Variants in EFR3B observed in about 807,000 individuals in gnomAD.
The protein encoded by EFR3B is EFR3 homolog B, also known as protein EFR3 homolog B.
In EFR3B, 64 loss-of-function variants were observed where a neutral mutation model predicts 104.7. That is an observed-to-expected ratio of 0.61 (90% CI 0.50 to 0.75). The LOEUF (loss-of-function observed/expected upper bound fraction) is 0.75. EFR3B is among the 30% of genes least tolerant of loss of function. The probability of loss-of-function intolerance (pLI) is 0.00; values close to 1 mark genes in which losing one functional copy is unlikely to be tolerated. For missense variants in EFR3B, 750 were observed against 1,078.5 expected, an observed-to-expected ratio of 0.70 and a Z score of 4.27; for synonymous variants, 385 against 417.9, an observed-to-expected ratio of 0.92 and a Z score of 0.96.
Position 25,042,719 on chromosome 2 carries a change from C to G in EFR3B, c.7+400C>G, listed in dbSNP as rs1667605150. The G allele has an allele frequency of 1.0e-6, 1 of 992,850 alleles. No homozygotes were observed. The highest frequency in any genetic ancestry group is 6.0e-5 in the Admixed American group (1 of 16,582). The allele number at this position is 992,850 out of a possible 1,614,324, so 61.5% of individuals were successfully genotyped here. A position where few individuals can be genotyped will look rare whatever the true frequency, so the allele number is the denominator to read the frequency against. Reference sequence around the variant, plus strand: ...AGCCGGTCCAGGGCTGAGGGAGACGCCCGCGGCCGGTCGTCTGCGCGGCTC... The same window carrying G: ...AGCCGGTCCAGGGCTGAGGGAGACGGCCGCGGCCGGTCGTCTGCGCGGCTC... On this transcript the variant is annotated intron_variant, in intron 1 of 22. Coordinates refer to ENST00000403714, the MANE Select transcript of EFR3B (RefSeq NM_014971.2). The surrounding 1 kb of genome is among the most constrained non-coding windows in gnomAD (Gnocchi z 5.4).
chr2:25,115,129 C>T (rs1488719734), intron 4 of EFR3B, among the ~76,000 whole-genome samples: 3 of 152,014 alleles, frequency 2.0e-5, no homozygotes, highest in Non-Finnish European at 2.9e-5. Context: ...TGCAGTGAGC[C>T]GTGATCACGC....
At chr2:25,079,731 A>C (rs1403192704) in intron 1 of EFR3B, among the ~76,000 whole-genome samples, 3 of 152,228 alleles carry the variant, frequency 2.0e-5, no homozygotes, top group Non-Finnish European at 4.4e-5. Flanking sequence ...TTCTTTATAC[A>C]AACAGTGTTC....
At chr2:25,143,014 G>A (rs933305591) in intron 17 of EFR3B, among the ~76,000 whole-genome samples, 15 of 150,994 alleles carry the variant, frequency 9.9e-5, no homozygotes, top group African/African-American at 2.4e-5. Flanking sequence ...TTGGGAGGCC[G>A]AGGCGGGCGG....
intron 1 of EFR3B, among the ~76,000 whole-genome samples, chr2:25,059,564 A>G (rs1668121471): frequency 2.6e-5 from 1 of 38,034 alleles, no homozygotes; most frequent in Admixed American, 3.7e-4. Flanking sequence ...AGAGGTTACC[A>G]GGGACTGCGG....
chr2:25,042,485 A>T lies in EFR3B; in HGVS notation c.7+166A>T, dbSNP rs1161515080. 7 of 1,206,000 alleles carry T rather than the reference A, an allele frequency of 5.8e-6. No individual in the cohort carries two copies. The highest frequency in any genetic ancestry group is 1.6e-5 in the African/African-American group (1 of 63,224). 74.7% of individuals were successfully genotyped at this position (1,206,000 alleles called of 1,614,324 possible). A position where few individuals can be genotyped will look rare whatever the true frequency, so the allele number is the denominator to read the frequency against. On this transcript the variant is annotated intron_variant, in intron 1 of 22. Coordinates refer to ENST00000403714, the MANE Select transcript of EFR3B (RefSeq NM_014971.2). The surrounding 1 kb of genome is among the most constrained non-coding windows in gnomAD (Gnocchi z 5.4). ...TCTGTGCGCGCGCGTCTGCGCTGCG[A>T]GGACAAAGATGCCTCGGGCCGGGGA... is the stretch of plus-strand genomic sequence containing the variant.
chr2:25,110,184 C>T (rs1669686158), intron 4 of EFR3B, among the ~76,000 whole-genome samples: 1 of 152,144 alleles, frequency 6.6e-6, no homozygotes, highest in African/African-American at 2.4e-5. Flanking sequence ...CTGAGACTCC[C>T]TTCCTCTGCC....
intron 10 of EFR3B, 102 bp from the exon 11 acceptor site, chr2:25,132,801 T>C: frequency 1.1e-6 from 1 of 948,072 alleles, no homozygotes; most frequent in Non-Finnish European, 1.6e-6. Context: ...CTGGATTGAC[T>C]CCGGAGAGAG....
At chr2:25,127,263 G>C (rs1275309839) in intron 5 of EFR3B, among the ~76,000 whole-genome samples, 1 of 142,200 alleles carries the variant, frequency 7.0e-6, no homozygotes, top group African/African-American at 2.6e-5. Context: ...CACTAGTTTA[G>C]AAAGGTCTTA....
intron 21 of EFR3B, among the ~76,000 whole-genome samples, chr2:25,153,102 C>T (rs1329791781): frequency 6.6e-6 from 1 of 152,210 alleles, no homozygotes; most frequent in Non-Finnish European, 1.5e-5. Context: ...GCCTGTACTC[C>T]CAGCACTTTG....
chr2:25,060,936 A>AAAC (rs59058259), intron 1 of EFR3B, among the ~76,000 whole-genome samples: 149,964 of 150,430 alleles, frequency 1, 74,750 homozygotes, highest in Admixed American at 1. Context: ...ACAAACAAAC[A>AAAC]AACAACAACA....
intron 16 of EFR3B, among the ~76,000 whole-genome samples, chr2:25,141,040 CAAAAAA>C (rs78559860): frequency 1.3e-5 from 1 of 74,418 alleles, no homozygotes; most frequent in Admixed American, 1.4e-4. Context: ...GACTCCGTCT[CAAAAAA>C]AAAAAAAAAA....
In EFR3B at chr2:25,141,420, G is replaced by A; in HGVS notation, c.1909G>A (p.Val637Met). The change falls in exon 17 of 23, where the codon GTG (valine) becomes ATG (methionine). Residue 637 changes from valine (V) to methionine (M), a missense_variant. Transcript: ENST00000403714. ...APYMLPEDVFVERPRLSQNLD... is the reference protein window; with the variant it reads ...APYMLPEDVFMERPRLSQNLD... The stretch of plus-strand genomic sequence containing the variant: ...ATACATGCTCCCCGAGGATGTGTTT[G>A]TGGAGAGGCCCAGGTGAGGAGAGGA... 6.4e-7 allele frequency: 1 copy of A among 1,551,484 alleles called. No individual in the cohort carries two copies. Among genetic ancestry groups the A allele is most frequent in the Non-Finnish European group, 8.7e-7 (1 of 1,146,876 alleles).
At chr2:25,096,103 C>T (rs1669268072) in intron 3 of EFR3B, among the ~76,000 whole-genome samples, 1 of 152,054 alleles carries the variant, frequency 6.6e-6, no homozygotes, top group South Asian at 2.1e-4. Context: ...GCAACCTCTG[C>T]CTCCTGGGTT....
chr2:25,145,476 A>G (rs1670789475), intron 19 of EFR3B: 1 of 209,162 alleles, frequency 4.8e-6, no homozygotes, highest in Non-Finnish European at 9.5e-6. Flanking sequence ...CAGGATGCTG[A>G]GGTGGGAGAA....
At chr2:25,129,650 G>C (rs1180328844) in intron 6 of EFR3B, among the ~76,000 whole-genome samples, 1 of 151,620 alleles carries the variant, frequency 6.6e-6, no homozygotes, top group Non-Finnish European at 1.5e-5. Context: ...GAAGTCTTAG[G>C]TGCATCAAGA....
chr2:25,100,142 T>C (rs1669390691), intron 3 of EFR3B, among the ~76,000 whole-genome samples: 1 of 151,994 alleles, frequency 6.6e-6, no homozygotes, highest in African/African-American at 2.4e-5. Flanking sequence ...AGGCAGAGGT[T>C]GTAGTGAGCC....
rs758627207 is a variant in EFR3B at position 25,158,863 on chromosome 2, T to C, written c.*4523T>C. On this transcript the variant is annotated 3_prime_UTR_variant, in exon 23 of 23. Transcript: ENST00000403714. ...GAGCCTCACGACCTGGCTGTGTGTG[T>C]GCATGTGTGTGTAGTATAGTTTGTA... The C allele has an allele frequency of 6.6e-6, 1 of 152,256 alleles. No homozygotes were observed. The highest frequency in any genetic ancestry group is 1.5e-5 in the Non-Finnish European group (1 of 68,060). The allele number at this position is 152,256 out of a possible 1,614,324, so 9.4% of individuals were successfully genotyped here.
intron 1 of EFR3B, among the ~76,000 whole-genome samples, chr2:25,060,276 A>G (rs1668152680): frequency 6.6e-6 from 1 of 152,210 alleles, no homozygotes; most frequent in South Asian, 2.1e-4. Context: ...TTTCATACAC[A>G]TGTTATCAGA....
chr2:25,071,750 T>C (rs1471190621), intron 1 of EFR3B, among the ~76,000 whole-genome samples: 1 of 152,228 alleles, frequency 6.6e-6, no homozygotes, highest in Non-Finnish European at 1.5e-5. Flanking sequence ...TTCCAAATTG[T>C]GTCATGGAGG....
Sources: gnomAD v4.1 joint callset for allele counts (sites outside exome capture counted in the v4.1 genomes callset) on GRCh38, gnomAD v4.1.1 for gene constraint, Gnocchi (gnomAD v3.1) non-coding constraint, MANE v1.5 for transcripts, NCBI Gene and HGNC (gene_info 2026-07-23, HGNC 2026-07-21) for gene names.